LRP6: variants seen among roughly 807,000 people sequenced by gnomAD.
LRP6 encodes low-density lipoprotein receptor-related protein 6.
LRP6 carries 43 observed loss-of-function variants against 184.1 expected under a neutral mutation model. The observed-to-expected ratio is 0.23, with a 90% CI of 0.18 to 0.30. The LOEUF is 0.30. Ranked by LOEUF, LRP6 falls within the 10% of genes least tolerant of loss-of-function variation. The pLI, the probability that LRP6 is intolerant of heterozygous loss-of-function variation, is 1.00. For missense variants in LRP6, 1,571 were observed against 2,005.3 expected (o/e 0.78, Z 4.14); for synonymous variants, 719 against 684.9 (o/e 1.05, Z -0.78).
chr12:12,177,321 T>C (rs1190148267), intron 7 of LRP6, among the ~76,000 whole-genome samples: 2 of 152,288 alleles, frequency 1.3e-5, no homozygotes, highest in South Asian at 2.1e-4. Context: ...TGGGGTTAGA[T>C]CAGTATCTGG....
At position 12,164,454 on chromosome 12, in the gene LRP6, A is replaced by G. The variant is rs142335410; in HGVS notation, c.1871T>C (p.Met624Thr). Residue 624 changes from methionine to threonine, a missense_variant, in exon 9 of 23, where the codon ATG becomes ACG. Physicochemically the swap from Met to Thr is moderately conservative, Grantham distance 81. This residue lies in a region of LRP6 where 640 missense variants were observed against 851.9 expected (regional missense o/e 0.75). Transcript: ENST00000261349. The part of the protein sequence containing the change: ...CPIGFELISD[M>T]KTCIVPEAFL... ...AGCCTCTGGGACAATGCAGGTCTTC[A>G]TGTCACTGATGAGTTCAAAGCCAAT... The G allele has an allele frequency of 9.9e-6, 16 of 1,614,044 alleles. No homozygotes were observed. In the African/African-American group the frequency reaches 2.1e-4, roughly 22 times the overall value.
At chr12:12,185,855 T>C (rs1161220624) in intron 4 of LRP6, among the ~76,000 whole-genome samples, 1 of 151,640 alleles carries the variant, frequency 6.6e-6, no homozygotes, top group African/African-American at 2.4e-5. Context: ...TTGTTTTTTT[T>C]TTTTTTGAGA....
Position 12,225,912 on chromosome 12 carries a change from C to A in LRP6, c.449+18350G>T, listed in dbSNP as rs77552235. 1.7e-3 allele frequency among the ~76,000 whole-genome samples: 255 copies of A among 151,924 alleles called. 2 individuals are homozygous for A. Among genetic ancestry groups the A allele is most frequent in the African/African-American group, 5.9e-3 (243 of 41,444 alleles). On this transcript the variant is annotated intron_variant, in intron 2 of 22. Transcript: ENST00000261349. Reference sequence around the variant, plus strand: ...GAGAGAGACCTGAGAAAAATACCCACTGCTGCCTGTGCAAGGAGAGTTCTT... The same window carrying A: ...GAGAGAGACCTGAGAAAAATACCCAATGCTGCCTGTGCAAGGAGAGTTCTT...
chr12:12,163,696 A>T (rs1276390930), intron 9 of LRP6, among the ~76,000 whole-genome samples: 1 of 152,218 alleles, frequency 6.6e-6, no homozygotes, highest in Non-Finnish European at 1.5e-5. Context: ...TACTCAGCTA[A>T]TTGCAGAAAA....
chr12:12,134,363 A>T (rs1949802303), intron 17 of LRP6, among the ~76,000 whole-genome samples: 2 of 152,178 alleles, frequency 1.3e-5, no homozygotes, highest in African/African-American at 2.4e-5. Flanking sequence ...TGTAGATAAT[A>T]GTATGATGTA....
At chr12:12,210,534 G>A (rs866466762) in intron 2 of LRP6, among the ~76,000 whole-genome samples, 20 of 152,178 alleles carry the variant, frequency 1.3e-4, no homozygotes, top group African/African-American at 4.1e-4. Context: ...CATATTAACA[G>A]TCAAAGAAGT....
intron 2 of LRP6, among the ~76,000 whole-genome samples, chr12:12,230,141 G>T (rs987893916): frequency 6.6e-6 from 1 of 152,062 alleles, no homozygotes; most frequent in Non-Finnish European, 1.5e-5. Flanking sequence ...ATTTTAACTG[G>T]GAGGGAAGTA....
intron 2 of LRP6, among the ~76,000 whole-genome samples, chr12:12,232,656 A>C (rs2135894865): frequency 6.6e-6 from 1 of 152,202 alleles, no homozygotes; most frequent in Middle Eastern, 3.4e-3. Flanking sequence ...AGAGATTATA[A>C]ATATTTAAAT....
intron 15 of LRP6, among the ~76,000 whole-genome samples, chr12:12,144,668 T>C (rs1949977796): frequency 6.6e-6 from 1 of 152,062 alleles, no homozygotes; most frequent in Non-Finnish European, 1.5e-5. Flanking sequence ...AAAGATAGTT[T>C]AAAATATTGA....
intron 2 of LRP6, among the ~76,000 whole-genome samples, chr12:12,232,731 CAT>C (rs769191975): frequency 1.3e-5 from 2 of 151,890 alleles, no homozygotes; most frequent in Non-Finnish European, 2.9e-5. Flanking sequence ...CAAACAATAA[CAT>C]ATCTCTAATA....
In LRP6 at chr12:12,134,933, C is replaced by T. The variant is rs185883487; in HGVS notation, c.3733+242G>A. On this transcript the variant is annotated intron_variant, in intron 17 of 22. Coordinates refer to ENST00000261349, the MANE Select transcript of LRP6 (RefSeq NM_002336.3). ...GCTAGGCATAGAAACACAAATACTA[C>T]ATGATCTCACACGTGGAGTGTAAAA... Among the ~76,000 whole-genome samples the T allele has an allele frequency of 9.2e-5, 14 of 152,278 alleles. No homozygotes were observed. In the East Asian group the frequency reaches 2.7e-3, roughly 29 times the overall value.
At chr12:12,207,503 T>C (rs1864094204) in intron 2 of LRP6, among the ~76,000 whole-genome samples, 2 of 151,978 alleles carry the variant, frequency 1.3e-5, no homozygotes, top group Non-Finnish European at 2.9e-5. Context: ...CACCGCACTT[T>C]TGAGATTCCG....
At chr12:12,240,490 T>C (rs1358131607) in intron 2 of LRP6, among the ~76,000 whole-genome samples, 1 of 152,072 alleles carries the variant, frequency 6.6e-6, no homozygotes, top group East Asian at 1.9e-4. Flanking sequence ...GAAAATGGTG[T>C]GAACCCAGGA....
intron 7 of LRP6, among the ~76,000 whole-genome samples, chr12:12,173,486 T>G (rs1863098639): frequency 6.6e-6 from 1 of 151,768 alleles, no homozygotes; most frequent in East Asian, 1.9e-4. Flanking sequence ...GGGACTACAG[T>G]TGCACACCAC....
At chr12:12,262,646 T>C (rs1021979037) in intron 1 of LRP6, among the ~76,000 whole-genome samples, 2 of 151,144 alleles carry the variant, frequency 1.3e-5, no homozygotes, top group African/African-American at 4.9e-5. Context: ...TTATCAAAAA[T>C]ACTTCCAGCA....
intron 2 of LRP6, among the ~76,000 whole-genome samples, chr12:12,232,191 G>A (rs1864808429): frequency 6.6e-6 from 1 of 151,778 alleles, no homozygotes; most frequent in Non-Finnish European, 1.5e-5. Flanking sequence ...AGACCATCCT[G>A]GCTAACATGG....
Position 12,181,454 on chromosome 12 carries a change from T to A in LRP6, c.977-15A>T, listed in dbSNP as rs776588772. 9.6e-7 allele frequency: 1 copy of A among 1,038,446 alleles called. No individual in the cohort carries two copies. The highest frequency in any genetic ancestry group is 1.5e-6 in the Non-Finnish European group (1 of 660,052). The allele number at this position is 1,038,446 out of a possible 1,614,324, so 64.3% of individuals were successfully genotyped here. A position where few individuals can be genotyped will look rare whatever the true frequency, so the allele number is the denominator to read the frequency against. On this transcript the variant is annotated splice_polypyrimidine_tract_variant and intron_variant, in intron 5 of 22. Transcript: ENST00000261349. Reference sequence around the variant, plus strand: ...TTCTGTGGCACCTAGAACAACAAAGTGAAATGAAGAATACTTTGAAACCCA... The same window carrying A: ...TTCTGTGGCACCTAGAACAACAAAGAGAAATGAAGAATACTTTGAAACCCA...
At chr12:12,225,938 G>A (rs1382213414) in intron 2 of LRP6, among the ~76,000 whole-genome samples, 1 of 151,430 alleles carries the variant, frequency 6.6e-6, no homozygotes, top group Non-Finnish European at 1.5e-5. Flanking sequence ...GAGAGTTCTT[G>A]TAAAGCTATA....
intron 1 of LRP6, among the ~76,000 whole-genome samples, chr12:12,266,047 G>A (rs1157167717): frequency 6.6e-6 from 1 of 152,136 alleles, no homozygotes; most frequent in Non-Finnish European, 1.5e-5. Context: ...GAGGTTACAA[G>A]GGCAATGTTT....
Sources: gnomAD v4.1 joint callset for allele counts (sites outside exome capture counted in the v4.1 genomes callset) on GRCh38, gnomAD v4.1.1 for gene constraint, gnomAD v4.1.1 regional missense constraint, MANE v1.5 for transcripts, NCBI Gene and HGNC (gene_info 2026-07-23, HGNC 2026-07-21) for gene names.